Variants in COL5A1 observed in about 807,000 individuals in gnomAD.
The protein encoded by COL5A1 is collagen alpha-1(V) chain.
In COL5A1, 16 loss-of-function variants were observed where a neutral mutation model predicts 263.7. That is an observed-to-expected ratio of 0.06 (90% CI 0.04 to 0.09). The LOEUF (loss-of-function observed/expected upper bound fraction) is 0.09, where lower values mean the gene tolerates loss of function less well. COL5A1 is among the 10% of genes least tolerant of loss of function. COL5A1 has a pLI of 1.00. For synonymous variants in COL5A1, 1,012 were observed against 1,004.5 expected (o/e 1.01, Z -0.14); for missense variants, 2,036 against 2,540.5 (o/e 0.80, Z 4.27).
chr9:134,701,642 G>C (rs985776942), intron 4 of COL5A1, among the ~76,000 whole-genome samples: 1 of 152,148 alleles, frequency 6.6e-6, no homozygotes, highest in African/African-American at 2.4e-5. Flanking sequence ...GTCCAGCCTC[G>C]TGCTGAGGCT....
rs1043834491 is a variant in COL5A1 at position 134,741,311 on chromosome 9, A to G, written c.1494+2503A>G. ...ACGATTTTAACACTTTTAATCTTCTATGCACGGGGGCTTCGCAGACAAGAA... is the reference window on the plus strand; with the variant it reads ...ACGATTTTAACACTTTTAATCTTCTGTGCACGGGGGCTTCGCAGACAAGAA... On this transcript the variant is annotated intron_variant, in intron 11 of 65. Transcript: ENST00000371817. This position sits in a 1 kb window ranked among gnomAD's most constrained non-coding sequence, Gnocchi z 4.5. Among the ~76,000 whole-genome samples the G allele has an allele frequency of 3.3e-5, 5 of 152,240 alleles. No individual in the cohort carries two copies. Among genetic ancestry groups the G allele is most frequent in the African/African-American group, 9.6e-5 (4 of 41,466 alleles).
intron 16 of COL5A1, among the ~76,000 whole-genome samples, chr9:134,756,327 C>A (rs556797604): frequency 6.6e-6 from 1 of 152,182 alleles, no homozygotes; most frequent in African/African-American, 2.4e-5. Context: ...CCAGATGTGT[C>A]CTTTCTCTCT....
At chr9:134,679,315 G>A (rs1564381737) in intron 1 of COL5A1, among the ~76,000 whole-genome samples, 1 of 127,820 alleles carries the variant, frequency 7.8e-6, no homozygotes, top group Non-Finnish European at 1.7e-5. Flanking sequence ...TGTGGGGCTG[G>A]CTAGGGGGCA....
At chr9:134,697,664 C>T (rs114383590) in intron 2 of COL5A1, among the ~76,000 whole-genome samples, 376 of 152,200 alleles carry the variant, frequency 2.5e-3, no homozygotes, top group African/African-American at 8.5e-3. Context: ...CCAGGGATCA[C>T]GTGGGGCTGC....
intron 62 of COL5A1, 97 bp downstream of exon 62, chr9:134,824,952 A>C: frequency 6.8e-7 from 1 of 1,477,940 alleles, no homozygotes; most frequent in Non-Finnish European, 9.0e-7. Flanking sequence ...GGCACAGCGG[A>C]AGGGACAGGA....
chr9:134,774,965 G>T, intron 27 of COL5A1, 53 bp downstream of exon 27: 1 of 1,550,084 alleles, frequency 6.5e-7, no homozygotes, highest in South Asian at 1.1e-5. Flanking sequence ...GGTTGGGACT[G>T]TGGGCCTTGG....
At position 134,641,846 on chromosome 9, in the gene COL5A1, A is replaced by G. The variant is rs1188562502; in HGVS notation, c.-342A>G. ...CGCGGCTGGCGCAGGACCTCACTCG[A>G]GCGGAGCGCCCACGGGGAGCGGGTC... On this transcript the variant is annotated 5_prime_UTR_variant, in exon 1 of 66. Transcript: ENST00000371817. The G allele has an allele frequency of 2.3e-5, 9 of 388,908 alleles. No individual in the cohort carries two copies. The highest frequency in any genetic ancestry group is 3.6e-5 in the Non-Finnish European group (8 of 220,188). The allele number at this position is 388,908 out of a possible 1,614,324, so 24.1% of individuals were successfully genotyped here. A position where few individuals can be genotyped will look rare whatever the true frequency, so the allele number is the denominator to read the frequency against.
At chr9:134,835,247 C>T (rs534498051) in intron 65 of COL5A1, 43 bp downstream of exon 65, 22 of 1,545,968 alleles carry the variant, frequency 1.4e-5, no homozygotes, top group East Asian at 4.5e-5. Context: ...CTCACGCCTC[C>T]GTGGGGCTCG....
chr9:134,700,250 G>T lies in COL5A1; in HGVS notation c.491+128G>T. The T allele has an allele frequency of 1.2e-6, 1 of 860,982 alleles. No individual in the cohort carries two copies. The highest frequency in any genetic ancestry group is 1.8e-6 in the Non-Finnish European group (1 of 552,052). 53.3% of individuals were successfully genotyped at this position (860,982 alleles called of 1,614,324 possible). ...CGGTACTGAGACTCCCACAGACGCC[G>T]CAGCAGAGGAGAGGGTGCTGGGCTT... On this transcript the variant is annotated intron_variant, in intron 3 of 65. Transcript: ENST00000371817. This position sits in a 1 kb window ranked among gnomAD's most constrained non-coding sequence, Gnocchi z 4.0.
chr9:134,750,407 A>G lies in COL5A1; in HGVS notation c.1495-135A>G. The G allele has an allele frequency of 5.1e-6, 4 of 784,810 alleles. No homozygotes were observed. In the Admixed American group the frequency reaches 5.9e-5, roughly 12 times the overall value. The allele number at this position is 784,810 out of a possible 1,614,324, so 48.6% of individuals were successfully genotyped here. On this transcript the variant is annotated intron_variant, in intron 11 of 65. Transcript: ENST00000371817. ...TGGGGGTTTCTGAAACATTCCTGCCACGGGGTCTCACAGCTTCTGTGCGTG... is the reference window on the plus strand; with the variant it reads ...TGGGGGTTTCTGAAACATTCCTGCCGCGGGGTCTCACAGCTTCTGTGCGTG...
In COL5A1 at chr9:134,643,383, C is replaced by T. The variant is rs1229241175; in HGVS notation, c.109+1087C>T. On this transcript the variant is annotated intron_variant, in intron 1 of 65. Coordinates refer to ENST00000371817, the MANE Select transcript of COL5A1 (RefSeq NM_000093.5). ...ATGGGACGGTGGGCTCAGCGAACGT[C>T]TGGACCAGCCCGCCGCCTGCCAGCA... 7.9e-5 allele frequency among the ~76,000 whole-genome samples: 12 copies of T among 152,202 alleles called. 1 individual carries two copies. Among genetic ancestry groups the T allele is most frequent in the Non-Finnish European group, 1.0e-4 (7 of 68,030 alleles).
chr9:134,789,754 C>G lies in COL5A1; in HGVS notation c.2700+546C>G, dbSNP rs939354555. ...CTCAGCGAAGGAACAGGGGGCCGGGCTGAGGGAGCTGTGTTCTCCCTGCAC... is the reference window on the plus strand; with the variant it reads ...CTCAGCGAAGGAACAGGGGGCCGGGGTGAGGGAGCTGTGTTCTCCCTGCAC... On this transcript the variant is annotated intron_variant, in intron 32 of 65. Coordinates refer to ENST00000371817, the MANE Select transcript of COL5A1 (RefSeq NM_000093.5). This position sits in a 1 kb window ranked among gnomAD's most constrained non-coding sequence, Gnocchi z 4.8. 7.2e-5 allele frequency among the ~76,000 whole-genome samples: 11 copies of G among 152,226 alleles called. No homozygotes were observed. Among genetic ancestry groups the G allele is most frequent in the Admixed American group, 2.0e-4 (3 of 15,286 alleles).
At chr9:134,782,157 C>T (rs1031485492) in intron 28 of COL5A1, among the ~76,000 whole-genome samples, 10 of 152,220 alleles carry the variant, frequency 6.6e-5, no homozygotes, top group African/African-American at 2.2e-4. Context: ...GTGCGCGGGC[C>T]GCTGACTTCC....
At position 134,776,497 on chromosome 9, in the gene COL5A1, A is replaced by G. The variant is rs148456646; in HGVS notation, c.2385+1585A>G. ...GGAAGGAAAACCGAGGTTTAAAATT[A>G]TTTTCATCGGGGAAAAAGTTTCTCA... On this transcript the variant is annotated intron_variant, in intron 27 of 65. Transcript: ENST00000371817. 2.4e-3 allele frequency among the ~76,000 whole-genome samples: 368 copies of G among 152,292 alleles called. 1 individual carries two copies. The highest frequency in any genetic ancestry group is 8.4e-3 in the African/African-American group (350 of 41,558).
At position 134,806,292 on chromosome 9, in the gene COL5A1, C is replaced by A; in HGVS notation, c.3362C>A (p.Ala1121Asp). The change falls in exon 42 of 66, where the codon GCT (alanine) becomes GAT (aspartate). Residue 1121 changes from alanine (A) to aspartate (D), a missense_variant. Ala to Asp is a moderately radical substitution (Grantham distance 126, BLOSUM62 -2). Coordinates refer to ENST00000371817, the MANE Select transcript of COL5A1 (RefSeq NM_000093.5). Reference protein sequence around the residue: ...GPPGPAGEKGAPGEKGPQGPA... With the variant: ...GPPGPAGEKGDPGEKGPQGPA... ...CCAGGGCCGGCAGGAGAGAAAGGGG[C>A]TCCTGTAAGTACTGCCTTGGATTGG... is the stretch of plus-strand genomic sequence containing the variant. 1 of 1,546,254 alleles carries A rather than the reference C, an allele frequency of 6.5e-7. No homozygotes were observed. Among genetic ancestry groups the A allele is most frequent in the East Asian group, 2.4e-5 (1 of 40,876 alleles).
At chr9:134,657,224 A>G (rs1588410571) in intron 1 of COL5A1, among the ~76,000 whole-genome samples, 1 of 43,152 alleles carries the variant, frequency 2.3e-5, no homozygotes, top group African/African-American at 1.0e-4. Context: ...GGTGTAGTTT[A>G]TAGATAATAT....
At chr9:134,655,397 T>A (rs1020812799) in intron 1 of COL5A1, among the ~76,000 whole-genome samples, 1 of 151,940 alleles carries the variant, frequency 6.6e-6, no homozygotes. Flanking sequence ...CTGTGTCCCA[T>A]ACCTTTAGCC....
At position 134,741,514 on chromosome 9, in the gene COL5A1, T is replaced by C. The variant is rs1835302584; in HGVS notation, c.1494+2706T>C. On this transcript the variant is annotated intron_variant, in intron 11 of 65. Coordinates refer to ENST00000371817, the MANE Select transcript of COL5A1 (RefSeq NM_000093.5). This position sits in a 1 kb window ranked among gnomAD's most constrained non-coding sequence, Gnocchi z 4.5. ...GAACGAATGGAAGATTAAGGTTATC[T>C]TGGCAAAGTCTGTTGATGCAGATTC... Among the ~76,000 whole-genome samples, 1 of 152,052 alleles carries C rather than the reference T, an allele frequency of 6.6e-6. No homozygotes were observed. The highest frequency in any genetic ancestry group is 2.1e-4 in the South Asian group (1 of 4,824).
intron 27 of COL5A1, among the ~76,000 whole-genome samples, chr9:134,777,168 C>T (rs1197854050): frequency 6.6e-6 from 1 of 152,248 alleles, no homozygotes; most frequent in Non-Finnish European, 1.5e-5. Flanking sequence ...TGACTGTCAG[C>T]AGAGTCAAAT....
Sources: allele counts gnomAD v4.1 joint callset (sites outside exome capture counted in the v4.1 genomes callset), GRCh38; gene constraint gnomAD v4.1.1; non-coding constraint Gnocchi (gnomAD v3.1); transcripts MANE v1.5; gene names NCBI Gene and HGNC (gene_info 2026-07-23, HGNC 2026-07-21).